COL9A3: variants seen among roughly 807,000 people sequenced by gnomAD.
The protein encoded by COL9A3 is collagen type IX alpha 3 chain, also known as collagen alpha-3(IX) chain.
COL9A3 carries 82 observed loss-of-function variants against 110.2 expected under a neutral mutation model. The observed-to-expected ratio is 0.74, with a 90% CI of 0.62 to 0.89. COL9A3 has a LOEUF of 0.89. COL9A3 is among the 40% of genes least tolerant of loss of function. The probability of loss-of-function intolerance (pLI) is 0.00; values close to 1 mark genes in which losing one functional copy is unlikely to be tolerated. For missense variants in COL9A3, 1,066 were observed against 981.3 expected (o/e 1.09, Z -1.15); for synonymous variants, 494 against 403.8 (o/e 1.22, Z -2.68).
intron 22 of COL9A3, among the ~76,000 whole-genome samples, chr20:62,830,054 G>C (rs562453114): frequency 2.2e-4 from 33 of 152,258 alleles, no homozygotes; most frequent in African/African-American, 7.7e-4. Flanking sequence ...GCCCAGCCTT[G>C]TGCCCCCATA....
At chr20:62,821,708 T>A in intron 7 of COL9A3, 49 bp from the exon 8 acceptor site, 3 of 1,574,302 alleles carry the variant, frequency 1.9e-6, no homozygotes, top group Non-Finnish European at 2.6e-6. Context: ...GTGGGGATCC[T>A]CGGGGCTTCC....
chr20:62,826,930 G>T, intron 15 of COL9A3, 110 bp downstream of exon 15: 1 of 1,245,418 alleles, frequency 8.0e-7, no homozygotes. Flanking sequence ...CTGTGGCTGA[G>T]CTGTTCCCTG....
chr20:62,827,191 A>T (rs2063560676), intron 15 of COL9A3, 50 bp from the exon 16 acceptor site: 1 of 1,603,280 alleles, frequency 6.2e-7, no homozygotes, highest in Non-Finnish European at 8.5e-7. Flanking sequence ...CTACTCTCCG[A>T]CCAACTCCAT....
At chr20:62,838,518 G>A (rs1034696806) in intron 30 of COL9A3, among the ~76,000 whole-genome samples, 166 bp from the exon 31 acceptor site, 16 of 152,216 alleles carry the variant, frequency 1.1e-4, no homozygotes, top group Non-Finnish European at 1.5e-4. Context: ...GGTCCCTCTC[G>A]TCGGACCCCG....
Position 62,836,075 on chromosome 20 carries a change from G to C in COL9A3, c.1402-112G>C, listed in dbSNP as rs1488231209. The C allele has an allele frequency of 2.5e-6, 4 of 1,605,456 alleles. No individual in the cohort carries two copies. The African/African-American group carries it at 4.0e-5, about 16-fold the overall frequency. On this transcript the variant is annotated intron_variant, in intron 27 of 31. Coordinates refer to ENST00000649368, the MANE Select transcript of COL9A3 (RefSeq NM_001853.4). The stretch of plus-strand genomic sequence containing the variant: ...CCAGATCCGAGATGTAAAAAAGCTT[G>C]CTCTGGTCAAGGCTGGGCAAGACGG...
At chr20:62,824,090 CTGGGGCCCCGT>C (rs2063530721) in intron 10 of COL9A3, among the ~76,000 whole-genome samples, 1 of 140,826 alleles carries the variant, frequency 7.1e-6, no homozygotes, top group Non-Finnish European at 1.5e-5. Context: ...GAGTGGCCTC[CTGGGGCCCCGT>C]CACCCACGCG....
chr20:62,827,455 C>T (rs928969948), intron 16 of COL9A3, among the ~76,000 whole-genome samples, 161 bp downstream of exon 16: 12 of 152,116 alleles, frequency 7.9e-5, no homozygotes, highest in South Asian at 2.1e-4. Context: ...CTGGAGGGCC[C>T]GAGCTCTCTC....
At chr20:62,818,621 G>C (rs1287372059) in intron 3 of COL9A3, 68 bp downstream of exon 3, 5 of 1,491,110 alleles carry the variant, frequency 3.4e-6, no homozygotes, top group Non-Finnish European at 4.7e-6. Context: ...TCAGAACAGA[G>C]GGGTCATTGA....
chr20:62,839,821 C>T (rs1001454485), intron 31 of COL9A3, among the ~76,000 whole-genome samples: 3 of 151,776 alleles, frequency 2.0e-5, no homozygotes, highest in African/African-American at 7.3e-5. Context: ...CATGCACGCA[C>T]GCTGCTCTCT....
rs368148925 is a variant in COL9A3, at chr20:62,829,516, G to A, written c.1053+17G>A. 4.3e-5 allele frequency: 69 copies of A among 1,612,140 alleles called. 1 individual carries two copies. In the African/African-American group the frequency reaches 6.8e-4, roughly 16 times the overall value. On this transcript the variant is annotated intron_variant, in intron 20 of 31. Coordinates refer to ENST00000649368, the MANE Select transcript of COL9A3 (RefSeq NM_001853.4). ...GGAGAACGGGTATGTGGCTGCAGCC[G>A]CTTTCTCTCTGGGAGGGGAGGCGAG...
intron 16 of COL9A3, 122 bp downstream of exon 16, chr20:62,827,416 C>T (rs1297897789): frequency 3.5e-5 from 36 of 1,042,504 alleles, no homozygotes; most frequent in Non-Finnish European, 5.0e-5. Flanking sequence ...CCTGGGTGGG[C>T]CTGGGGGTGC....
chr20:62,818,490 G>A (rs773812813), intron 2 of COL9A3, 28 bp from the exon 3 acceptor site: 4 of 1,611,618 alleles, frequency 2.5e-6, no homozygotes, highest in African/African-American at 1.3e-5. Flanking sequence ...TGATTTTCAG[G>A]GTTACATGTG....
At chr20:62,824,779 A>G (rs1289904136) in intron 11 of COL9A3, among the ~76,000 whole-genome samples, 189 bp from the exon 12 acceptor site, 1 of 152,182 alleles carries the variant, frequency 6.6e-6, no homozygotes, top group East Asian at 1.9e-4. Flanking sequence ...TCCTGACCGC[A>G]GAGCGCCCTC....
At chr20:62,816,852 G>A (rs1270024800), upstream of COL9A3, among the ~76,000 whole-genome samples, 1 of 152,096 alleles carries the variant, frequency 6.6e-6, no homozygotes, top group Non-Finnish European at 1.5e-5. Flanking sequence ...CGGAGAGAAC[G>A]CGCCGCCCGC....
In COL9A3 at chr20:62,840,750, C is replaced by G. The variant is rs2063671576; in HGVS notation, c.*18C>G. Reference sequence around the variant, plus strand: ...GCTCATAAAATTCAACGTGAGGAAGCAAGTGACAAGGACGCCCGAAGCACA... The same window carrying G: ...GCTCATAAAATTCAACGTGAGGAAGGAAGTGACAAGGACGCCCGAAGCACA... On this transcript the variant is annotated 3_prime_UTR_variant, in exon 32 of 32. Transcript: ENST00000649368. The G allele has an allele frequency of 6.4e-7, 1 of 1,555,394 alleles. No homozygotes were observed. Among genetic ancestry groups the G allele is most frequent in the Non-Finnish European group, 8.7e-7 (1 of 1,148,774 alleles).
intron 2 of COL9A3, among the ~76,000 whole-genome samples, chr20:62,818,168 C>T (rs1990998309): frequency 6.6e-6 from 1 of 152,188 alleles, no homozygotes; most frequent in African/African-American, 2.4e-5. Flanking sequence ...ATGTGACCAC[C>T]ACCAGGGCAG....
chr20:62,817,812 G>T (rs1990984163), intron 2 of COL9A3, 177 bp downstream of exon 2: 1 of 663,278 alleles, frequency 1.5e-6, no homozygotes, highest in South Asian at 1.6e-5. Context: ...GGGACTGCTG[G>T]TGGGTAGGGG....
rs1384292566 is a variant in COL9A3 at position 62,829,682 on chromosome 20, G to A, written c.1107+1G>A. ...CCCCTCTGGAGAGCCAGGCGTCCCT[G>A]TGAGTATCTGCGGCGCCCCAGACCC... is the stretch of plus-strand genomic sequence containing the variant. On this transcript the variant is annotated splice_donor_variant, in intron 21 of 31. Coordinates refer to ENST00000649368, the MANE Select transcript of COL9A3 (RefSeq NM_001853.4). LOFTEE classifies it high-confidence loss of function. 6.2e-7 allele frequency: 1 copy of A among 1,608,632 alleles called. No homozygotes were observed.
At chr20:62,829,168 A>G (rs760382357) in intron 19 of COL9A3, among the ~76,000 whole-genome samples, 192 bp downstream of exon 19, 12 of 152,158 alleles carry the variant, frequency 7.9e-5, no homozygotes, top group Non-Finnish European at 1.6e-4. Flanking sequence ...GTATGTTTGC[A>G]TGTGTGTGCT....
Sources: gnomAD v4.1 joint callset for allele counts (sites outside exome capture counted in the v4.1 genomes callset) on GRCh38, gnomAD v4.1.1 for gene constraint, MANE v1.5 for transcripts, NCBI Gene and HGNC (gene_info 2026-07-23, HGNC 2026-07-21) for gene names.